The following CADM1 variants were observed in gnomAD, a reference collection of about 807,000 sequenced individuals.
CADM1 encodes the protein cell adhesion molecule 1.
CADM1 carries 15 observed loss-of-function variants against 53.1 expected under a neutral mutation model. That is an observed-to-expected ratio of 0.28 (90% confidence interval 0.19 to 0.44). CADM1 has a LOEUF of 0.44. Among genes scored for constraint, CADM1 ranks in the 20% least tolerant of loss-of-function variants. CADM1 has a pLI of 1.00. For missense variants in CADM1, 434 were observed against 611.3 expected (o/e 0.71, Z 3.06); for synonymous variants, 281 against 243.0 (o/e 1.16, Z -1.45).
At chr11:115,482,908 T>A (rs2135412709) in intron 1 of CADM1, among the ~76,000 whole-genome samples, 1 of 152,342 alleles carries the variant, frequency 6.6e-6, no homozygotes. Context: ...TTAATTCAAA[T>A]GTCCTTCTGC....
chr11:115,215,896 G>A (rs565574039), intron 6 of CADM1, among the ~76,000 whole-genome samples: 72 of 152,296 alleles, frequency 4.7e-4, no homozygotes, highest in Non-Finnish European at 8.2e-4. Flanking sequence ...AATGATGAAC[G>A]GATCCTCAAG....
chr11:115,377,301 G>T (rs1946463637), intron 1 of CADM1: 3 of 152,096 alleles, frequency 2.0e-5, no homozygotes. Flanking sequence ...CAAATAATCT[G>T]CTTACTGGGA....
chr11:115,477,748 C>T (rs990312750), intron 1 of CADM1, among the ~76,000 whole-genome samples: 1 of 152,254 alleles, frequency 6.6e-6, no homozygotes, highest in East Asian at 1.9e-4. Flanking sequence ...AACAAACTGG[C>T]TGCACTGGAG....
chr11:115,483,497 T>A (rs577456466), intron 1 of CADM1, among the ~76,000 whole-genome samples: 1 of 152,148 alleles, frequency 6.6e-6, no homozygotes, highest in Non-Finnish European at 1.5e-5. Flanking sequence ...AAAGGGGTAA[T>A]TCTTCAAATG....
At chr11:115,440,334 G>A (rs1268769155) in intron 1 of CADM1, among the ~76,000 whole-genome samples, 2 of 152,210 alleles carry the variant, frequency 1.3e-5, no homozygotes, top group Admixed American at 1.3e-4. Context: ...CCCACTCGAT[G>A]CTAAGCTCTT....
intron 1 of CADM1, among the ~76,000 whole-genome samples, chr11:115,380,355 A>G (rs1946544720): frequency 6.6e-6 from 1 of 152,136 alleles, no homozygotes; most frequent in South Asian, 2.1e-4. Context: ...TATTCTCTTA[A>G]AAGTGCTACT....
chr11:115,490,281 AG>A (rs769317115), intron 1 of CADM1, among the ~76,000 whole-genome samples: 4 of 152,182 alleles, frequency 2.6e-5, no homozygotes, highest in Non-Finnish European at 4.4e-5. Flanking sequence ...ATGATAACAA[AG>A]GAGGGAATTC....
At chr11:115,212,844 A>G (rs1469637819) in intron 7 of CADM1, among the ~76,000 whole-genome samples, 1 of 152,164 alleles carries the variant, frequency 6.6e-6, no homozygotes, top group Non-Finnish European at 1.5e-5. Context: ...TATTGTGGAG[A>G]TTAAAGGAGA....
intron 1 of CADM1, among the ~76,000 whole-genome samples, chr11:115,473,766 G>C (rs938258084): frequency 5.9e-5 from 9 of 152,028 alleles, no homozygotes; most frequent in African/African-American, 1.9e-4. Flanking sequence ...AAATCTTCAT[G>C]ACTTTGGGTT....
intron 1 of CADM1, among the ~76,000 whole-genome samples, chr11:115,395,380 A>G (rs914493155): frequency 2.0e-5 from 3 of 152,224 alleles, no homozygotes; most frequent in Admixed American, 6.5e-5. Flanking sequence ...AAACCAATGC[A>G]TTAATCTACA....
At chr11:115,244,191 G>A (rs2134935571) in intron 1 of CADM1, among the ~76,000 whole-genome samples, 1 of 152,344 alleles carries the variant, frequency 6.6e-6, no homozygotes, top group African/African-American at 2.4e-5. Flanking sequence ...AAAGCTTATT[G>A]TCTAAAGAAA....
intron 1 of CADM1, among the ~76,000 whole-genome samples, chr11:115,400,561 G>GATAT (rs111342034): frequency 3.9e-5 from 5 of 129,274 alleles, no homozygotes; most frequent in African/African-American, 8.9e-5. Flanking sequence ...ATATGGTGGT[G>GATAT]ATATATATAT....
At chr11:115,330,073 A>G (rs1365490005) in intron 1 of CADM1, among the ~76,000 whole-genome samples, 6 of 151,398 alleles carry the variant, frequency 4.0e-5, no homozygotes, top group Non-Finnish European at 8.8e-5. Flanking sequence ...TGAAAACAGG[A>G]AGTCCTGTTC....
chr11:115,487,880 T>C (rs78385795), intron 1 of CADM1, among the ~76,000 whole-genome samples: 13 of 152,286 alleles, frequency 8.5e-5, no homozygotes, highest in Non-Finnish European at 1.9e-4. Flanking sequence ...TGACAAAAAT[T>C]TGTATTTCAA....
At chr11:115,498,021 G>A (rs1474299876) in intron 1 of CADM1, among the ~76,000 whole-genome samples, 3 of 147,502 alleles carry the variant, frequency 2.0e-5, no homozygotes, top group Admixed American at 1.4e-4. Context: ...CTTGGAAAAC[G>A]GAACAATTTT....
At chr11:115,184,457 T>C (rs1338832304) in intron 10 of CADM1, among the ~76,000 whole-genome samples, 1 of 152,242 alleles carries the variant, frequency 6.6e-6, no homozygotes, top group East Asian at 1.9e-4. Context: ...CTACAAATCC[T>C]TCTGACATTT....
chr11:115,445,069 A>G (rs567455194), intron 1 of CADM1, among the ~76,000 whole-genome samples: 4 of 152,328 alleles, frequency 2.6e-5, no homozygotes, highest in African/African-American at 9.6e-5. Context: ...CTGATCTCAG[A>G]ACGTATTTGG....
intron 1 of CADM1, among the ~76,000 whole-genome samples, chr11:115,452,001 C>T (rs757570374): frequency 3.3e-5 from 5 of 152,018 alleles, no homozygotes; most frequent in Admixed American, 6.6e-5. Context: ...GAAGAGAAAC[C>T]GAGGGAGAAC....
intron 7 of CADM1, among the ~76,000 whole-genome samples, chr11:115,210,998 T>C (rs1050485410): frequency 2.0e-4 from 31 of 152,282 alleles, no homozygotes; most frequent in African/African-American, 6.5e-4. Flanking sequence ...GTTTACACTT[T>C]CATTTAAAGC....
Sources: allele counts gnomAD v4.1 joint callset (sites outside exome capture counted in the v4.1 genomes callset), GRCh38; gene constraint gnomAD v4.1.1; transcripts MANE v1.5; gene names NCBI Gene and HGNC (gene_info 2026-07-23, HGNC 2026-07-21).